TRIM25: variants seen among roughly 807,000 people sequenced by gnomAD.
TRIM25 encodes the protein E3 ubiquitin/ISG15 ligase TRIM25.
A neutral mutation model predicts 65.2 loss-of-function variants in TRIM25; 45 were observed. That is an observed-to-expected ratio of 0.69 (90% CI 0.54 to 0.89). The LOEUF (loss-of-function observed/expected upper bound fraction) is 0.89. Among genes scored for constraint, TRIM25 ranks in the 40% least tolerant of loss-of-function variants. The pLI, the probability that TRIM25 is intolerant of heterozygous loss-of-function variation, is 0.00. For synonymous variants in TRIM25, 321 were observed against 340.4 expected (o/e 0.94, Z 0.63); for missense variants, 714 against 803.7 (o/e 0.89, Z 1.35).
chr17:56,889,434 G>A lies in TRIM25; in HGVS notation c.*2266C>T, dbSNP rs1217009769. 3.9e-6 allele frequency: 1 copy of A among 257,474 alleles called. No individual in the cohort carries two copies. The highest frequency in any genetic ancestry group is 2.2e-5 in the African/African-American group (1 of 45,552). The allele number at this position is 257,474 out of a possible 1,614,324, so 15.9% of individuals were successfully genotyped here. A position where few individuals can be genotyped will look rare whatever the true frequency, so the allele number is the denominator to read the frequency against. On this transcript the variant is annotated 3_prime_UTR_variant, in exon 9 of 9. Transcript: ENST00000316881. ...AAATGAGAAGTCAGATGGATACAAAGGTTCCTCCAACTCTAGGACTCCAGG... is the reference window on the plus strand; with the variant it reads ...AAATGAGAAGTCAGATGGATACAAAAGTTCCTCCAACTCTAGGACTCCAGG...
chr17:56,903,781 A>G (rs1909462570), intron 3 of TRIM25, among the ~76,000 whole-genome samples: 2 of 152,336 alleles, frequency 1.3e-5, no homozygotes, highest in Middle Eastern at 3.4e-3. Flanking sequence ...AAAGACCTTA[A>G]AAGAGGGATT....
At chr17:56,908,368 C>T in intron 2 of TRIM25, 100 bp downstream of exon 2, 1 of 1,154,238 alleles carries the variant, frequency 8.7e-7, no homozygotes, top group Non-Finnish European at 1.3e-6. Context: ...TGTGAGTGCA[C>T]CCAACACCAG....
chr17:56,912,595 G>A (rs776512757), intron 1 of TRIM25, among the ~76,000 whole-genome samples: 16 of 152,232 alleles, frequency 1.1e-4, no homozygotes, highest in East Asian at 3.9e-4. Flanking sequence ...CGGACTCTAC[G>A]GACCTGGATA....
chr17:56,902,896 A>G (rs911126004), intron 3 of TRIM25, among the ~76,000 whole-genome samples: 3 of 152,160 alleles, frequency 2.0e-5, no homozygotes, highest in Admixed American at 6.5e-5. Flanking sequence ...GAGTTCTTGC[A>G]CAAACTGGTT....
intron 4 of TRIM25, among the ~76,000 whole-genome samples, chr17:56,901,110 A>G (rs72839006): frequency 0.031 from 4,704 of 152,314 alleles, 97 homozygotes; most frequent in Middle Eastern, 0.048. Flanking sequence ...ACCAAACACA[A>G]TAACAAGCCC....
chr17:56,909,684 C>CA (rs34148848), intron 1 of TRIM25, among the ~76,000 whole-genome samples: 93,657 of 124,468 alleles, frequency 0.75, 34,313 homozygotes, highest in East Asian at 0.83. Context: ...GACCCTGTCT[C>CA]AAAAAAAAAA....
At chr17:56,894,256 GT>G in intron 8 of TRIM25, among the ~76,000 whole-genome samples, 1 of 152,248 alleles carries the variant, frequency 6.6e-6, no homozygotes, top group South Asian at 2.1e-4. Flanking sequence ...TTGTTTGTTT[GT>G]TTGTTTTTTA....
At chr17:56,898,821 C>A (rs758597233) in intron 5 of TRIM25, 3 of 334,244 alleles carry the variant, frequency 9.0e-6, no homozygotes, top group Non-Finnish European at 1.7e-5. Context: ...CCTGGACCGC[C>A]ATCAGTCTCC....
chr17:56,911,090 T>G (rs1177658347), intron 1 of TRIM25, among the ~76,000 whole-genome samples: 3 of 151,514 alleles, frequency 2.0e-5, no homozygotes, highest in Non-Finnish European at 4.4e-5. Context: ...CATAGTGAGA[T>G]CCCGTCTCTA....
intron 5 of TRIM25, among the ~76,000 whole-genome samples, chr17:56,897,027 C>G (rs1909307980): frequency 6.6e-6 from 1 of 150,942 alleles, no homozygotes; most frequent in South Asian, 2.1e-4. Context: ...GTAGGAGGAT[C>G]ACTTGAGCCC....
At chr17:56,911,190 G>T (rs1909620357) in intron 1 of TRIM25, among the ~76,000 whole-genome samples, 1 of 152,132 alleles carries the variant, frequency 6.6e-6, no homozygotes, top group South Asian at 2.1e-4. Flanking sequence ...GATCACCTGA[G>T]TCCAGGGTTT....
intron 5 of TRIM25, 32 bp from the exon 6 acceptor site, chr17:56,895,984 T>C: frequency 6.2e-7 from 1 of 1,606,126 alleles, no homozygotes; most frequent in Non-Finnish European, 8.5e-7. Flanking sequence ...TTTAATTTCT[T>C]TTAAGGCACA....
Position 56,913,319 on chromosome 17 carries a change from G to C in TRIM25, c.597+73C>G. On this transcript the variant is annotated intron_variant, in intron 1 of 8. Coordinates refer to ENST00000316881, the MANE Select transcript of TRIM25 (RefSeq NM_005082.5). This position sits in a 1 kb window ranked among gnomAD's most constrained non-coding sequence, Gnocchi z 6.1. ...CCCAGGGCGTCCAGAGTGTGGCAGA[G>C]AGGCCCCCGGTGGCCCCTCTGCACC... is the stretch of plus-strand genomic sequence containing the variant. The C allele has an allele frequency of 7.1e-7, 1 of 1,403,582 alleles. No individual in the cohort carries two copies. The highest frequency in any genetic ancestry group is 1.4e-5 in the South Asian group (1 of 69,272). The allele number at this position is 1,403,582 out of a possible 1,614,324, so 86.9% of individuals were successfully genotyped here.
chr17:56,900,804 CAGGGAGTAAT>C (rs1299734592), intron 4 of TRIM25, among the ~76,000 whole-genome samples: 2 of 152,154 alleles, frequency 1.3e-5, no homozygotes, highest in African/African-American at 4.8e-5. Flanking sequence ...TGGTCTGCAT[CAGGGAGTAAT>C]AGGAAGCCTA....
chr17:56,903,592 T>C (rs1909456336), intron 3 of TRIM25, among the ~76,000 whole-genome samples: 1 of 152,100 alleles, frequency 6.6e-6, no homozygotes, highest in Non-Finnish European at 1.5e-5. Flanking sequence ...TACCCTATAG[T>C]ATGCCCTCCC....
In TRIM25 at chr17:56,892,138, A is replaced by T; in HGVS notation, c.1455T>A (p.Pro485=). ...CYTVASVAEM[P]QNYRPHPQRF... ...TCTGGGGATGCGGCCGGTAGTTCTG[A>T]GGCATCTCAGCCACAGAAGCTACTG... The change falls in exon 9 of 9, where the codon CCT becomes CCA. Residue 485 remains proline, a synonymous_variant. Coordinates refer to ENST00000316881, the MANE Select transcript of TRIM25 (RefSeq NM_005082.5). 1 of 1,614,168 alleles carries T rather than the reference A, an allele frequency of 6.2e-7. No homozygotes were observed. Among genetic ancestry groups the T allele is most frequent in the Non-Finnish European group, 8.5e-7 (1 of 1,180,036 alleles).
rs1909145323 is a variant in TRIM25, at chr17:56,890,484, T to C, written c.*1216A>G. On this transcript the variant is annotated 3_prime_UTR_variant, in exon 9 of 9. Transcript: ENST00000316881. Reference sequence around the variant, plus strand: ...AGGCTCTGACTCACGCAAGGGCCAGTGCTGGGTCTGCAGCCTGTGGCCAGG... The same window carrying C: ...AGGCTCTGACTCACGCAAGGGCCAGCGCTGGGTCTGCAGCCTGTGGCCAGG... The C allele has an allele frequency of 7.2e-6, 3 of 418,414 alleles. No homozygotes were observed. 25.9% of individuals were successfully genotyped at this position (418,414 alleles called of 1,614,324 possible).
chr17:56,908,525 C>G lies in TRIM25; in HGVS notation c.636G>C (p.Gln212His), dbSNP rs1362225345. Residue 212 changes from glutamine to histidine, a missense_variant, in exon 2 of 9, where the codon CAG becomes CAC. By Grantham distance (24) the Gln-to-His change is conservative (BLOSUM62 0). Around this residue, in one of 3 missense-constraint regions of TRIM25, gnomAD observed 413 missense variants for 498.2 expected, o/e 0.83. Transcript: ENST00000316881. ...LRHKLTVMYSQINGASRALDD... is the reference protein window; with the variant it reads ...LRHKLTVMYSHINGASRALDD... ...CCAGTGCTCTCGACGCCCCGTTGATCTGACTGTACATGACAGTTAGTTTGT... is the reference window on the plus strand; with the variant it reads ...CCAGTGCTCTCGACGCCCCGTTGATGTGACTGTACATGACAGTTAGTTTGT... The G allele has an allele frequency of 1.1e-5, 17 of 1,613,984 alleles. No homozygotes were observed. In the East Asian group the frequency reaches 2.2e-4, roughly 21 times the overall value.
At position 56,895,964 on chromosome 17, in the gene TRIM25, A is replaced by G. The variant is rs1345583074; in HGVS notation, c.1154-12T>C. 2 of 1,611,422 alleles carry G rather than the reference A, an allele frequency of 1.2e-6. No individual in the cohort carries two copies. Among genetic ancestry groups the G allele is most frequent in the Non-Finnish European group, 1.7e-6 (2 of 1,179,156 alleles). Reference sequence around the variant, plus strand: ...TTTCTTTTCCTCTTCTGCAAAAGAAAGTTTTCAGATTTAATTTCTTTTAAG... The same window carrying G: ...TTTCTTTTCCTCTTCTGCAAAAGAAGGTTTTCAGATTTAATTTCTTTTAAG... On this transcript the variant is annotated splice_polypyrimidine_tract_variant and intron_variant, in intron 5 of 8. Transcript: ENST00000316881.
Sources: allele counts gnomAD v4.1 joint callset (sites outside exome capture counted in the v4.1 genomes callset), GRCh38; gene constraint gnomAD v4.1.1; regional missense constraint gnomAD v4.1.1; non-coding constraint Gnocchi (gnomAD v3.1); transcripts MANE v1.5; gene names NCBI Gene and HGNC (gene_info 2026-07-23, HGNC 2026-07-21).